Variants in KCNIP4 observed in about 807,000 individuals in gnomAD.
The protein encoded by KCNIP4 is potassium voltage-gated channel interacting protein 4, also known as Kv channel-interacting protein 4.
In KCNIP4, 12 loss-of-function variants were observed where a neutral mutation model predicts 34.0. That is an observed-to-expected ratio of 0.35 (90% CI 0.23 to 0.57). KCNIP4 has a LOEUF of 0.57. KCNIP4 is among the 20% of genes least tolerant of loss of function. The probability of loss-of-function intolerance (pLI) is 0.83; values close to 1 mark genes in which losing one functional copy is unlikely to be tolerated. For missense variants in KCNIP4, 238 were observed against 311.7 expected (o/e 0.76, Z 1.78); for synonymous variants, 124 against 102.2 (o/e 1.21, Z -1.29).
At chr4:21,009,021 AT>A (rs758068314) in intron 1 of KCNIP4, among the ~76,000 whole-genome samples, 109 of 151,936 alleles carry the variant, frequency 7.2e-4, no homozygotes, top group Non-Finnish European at 1.1e-3. Flanking sequence ...TAGAAAAAAA[AT>A]ATCTTTCACA....
chr4:21,307,887 G>A (rs898985920), intron 1 of KCNIP4, among the ~76,000 whole-genome samples: 3 of 152,152 alleles, frequency 2.0e-5, no homozygotes, highest in Non-Finnish European at 2.9e-5. Context: ...TCCTGCCCAC[G>A]TGAACAATGA....
In KCNIP4 at chr4:21,368,237, T is replaced by TACAC. The variant is rs71189694; in HGVS notation, c.62-485532_62-485529dup. The stretch of plus-strand genomic sequence containing the variant: ...GAATGACTAGAATTTAAGAAGCTGT[T>TACAC]ACACACACACACACACACACAATAA... On this transcript the variant is annotated intron_variant, in intron 1 of 8. Transcript: ENST00000382152. Among the ~76,000 whole-genome samples the TACAC allele has an allele frequency of 7.0e-4, 101 of 143,722 alleles. 5 individuals carry two copies. Among genetic ancestry groups the TACAC allele is most frequent in the East Asian group, 3.9e-3 (19 of 4,870 alleles). 94.3% of individuals were successfully genotyped at this position (143,722 alleles called of 152,430 possible). A position where few individuals can be genotyped will look rare whatever the true frequency, so the allele number is the denominator to read the frequency against.
intron 8 of KCNIP4, 28 bp from the exon 9 acceptor site, chr4:20,730,157 A>C: frequency 3.8e-6 from 6 of 1,589,852 alleles, no homozygotes; most frequent in Non-Finnish European, 5.1e-6. Flanking sequence ...AGAGCGATTA[A>C]ATTCAGCATA....
At chr4:21,310,198 A>G (rs1712996924) in intron 1 of KCNIP4, among the ~76,000 whole-genome samples, 1 of 151,630 alleles carries the variant, frequency 6.6e-6, no homozygotes, top group Admixed American at 6.6e-5. Context: ...ACAACCAGCT[A>G]ATTTTTGTAT....
intron 1 of KCNIP4, among the ~76,000 whole-genome samples, chr4:21,320,208 C>CT (rs1714222331): frequency 6.6e-6 from 1 of 152,206 alleles, no homozygotes; most frequent in Non-Finnish European, 1.5e-5. Context: ...AGCAAGTTAT[C>CT]TTCAAGGAAG....
chr4:21,464,991 C>T (rs12640994), intron 1 of KCNIP4, among the ~76,000 whole-genome samples: 11,268 of 152,044 alleles, frequency 0.074, 524 homozygotes, highest in East Asian at 0.15. Flanking sequence ...ACCAAATATT[C>T]TTGTGTAAGA....
At chr4:20,785,787 A>G (rs570117588) in intron 3 of KCNIP4, among the ~76,000 whole-genome samples, 2 of 152,234 alleles carry the variant, frequency 1.3e-5, no homozygotes, top group Middle Eastern at 6.8e-3. Context: ...AAAGACTGAC[A>G]TTGTAAGTCC....
At chr4:21,582,497 G>A (rs1408099854) in intron 1 of KCNIP4, 1 of 151,834 alleles carries the variant, frequency 6.6e-6, no homozygotes, top group Non-Finnish European at 1.5e-5. Flanking sequence ...GACTTTAAAT[G>A]CTAATAATAC....
intron 1 of KCNIP4, among the ~76,000 whole-genome samples, chr4:21,212,781 T>G (rs1757311668): frequency 6.6e-6 from 1 of 152,164 alleles, no homozygotes. Context: ...CATGACCTGA[T>G]CATCTCCCAA....
intron 1 of KCNIP4, among the ~76,000 whole-genome samples, chr4:21,169,068 T>C (rs1753823850): frequency 6.6e-6 from 1 of 152,308 alleles, no homozygotes; most frequent in South Asian, 2.1e-4. Context: ...AAATTCTCCC[T>C]GTGAAGAGTT....
intron 1 of KCNIP4, among the ~76,000 whole-genome samples, chr4:21,819,922 T>G (rs1230045966): frequency 6.6e-6 from 1 of 152,112 alleles, no homozygotes; most frequent in Non-Finnish European, 1.5e-5. Flanking sequence ...TAATCTTAAA[T>G]ATTCATTAAA....
intron 1 of KCNIP4, among the ~76,000 whole-genome samples, chr4:21,205,128 A>G (rs1386693175): frequency 3.9e-5 from 6 of 152,202 alleles, no homozygotes; most frequent in Non-Finnish European, 8.8e-5. Context: ...TGGAGTAAAT[A>G]CTGGGTCGAA....
chr4:20,789,121 A>G lies in KCNIP4; in HGVS notation c.289-30231T>C, dbSNP rs948874893. Among the ~76,000 whole-genome samples, 125 of 152,150 alleles carry G rather than the reference A, an allele frequency of 8.2e-4. 11 individuals are homozygous for G. Among genetic ancestry groups the G allele is most frequent in the African/African-American group, 9.6e-5 (4 of 41,464 alleles). ...GTCTGTCTATAGCAGTTGCAATGCT[A>G]TTGCCCAGAGTGGAAAAAAAGAAAA... On this transcript the variant is annotated intron_variant, in intron 3 of 8. Transcript: ENST00000382152.
chr4:20,792,032 C>A (rs951264452), intron 3 of KCNIP4, among the ~76,000 whole-genome samples: 11 of 152,132 alleles, frequency 7.2e-5, no homozygotes, highest in African/African-American at 2.4e-4. Context: ...CATCTATACA[C>A]GTTATTGATT....
chr4:21,510,722 G>A (rs1177540198), intron 1 of KCNIP4, among the ~76,000 whole-genome samples: 1 of 151,876 alleles, frequency 6.6e-6, no homozygotes, highest in Non-Finnish European at 1.5e-5. Context: ...TAAACTAATA[G>A]ATTTAAATTG....
intron 1 of KCNIP4, among the ~76,000 whole-genome samples, chr4:21,018,947 C>T (rs1215601926): frequency 6.6e-6 from 1 of 152,056 alleles, no homozygotes; most frequent in African/African-American, 2.4e-5. Flanking sequence ...ACTAGGGTTG[C>T]CATAACAAAA....
intron 1 of KCNIP4, among the ~76,000 whole-genome samples, chr4:20,979,926 G>C (rs571292538): frequency 6.6e-6 from 1 of 152,068 alleles, no homozygotes; most frequent in Non-Finnish European, 1.5e-5. Flanking sequence ...TCCAATTCAC[G>C]GTCCTAATCC....
chr4:20,850,227 C>A lies in KCNIP4; in HGVS notation c.288+316G>T, dbSNP rs1720859181. Reference sequence around the variant, plus strand: ...TCAAGCACCAGCCTGTATTTAAAAACTAAGGAAACAATGGAAGTTTAATGA... The same window carrying A: ...TCAAGCACCAGCCTGTATTTAAAAAATAAGGAAACAATGGAAGTTTAATGA... On this transcript the variant is annotated intron_variant, in intron 3 of 8. Coordinates refer to ENST00000382152, the MANE Select transcript of KCNIP4 (RefSeq NM_025221.6). 7 of 180,868 alleles carry A rather than the reference C, an allele frequency of 3.9e-5. No homozygotes were observed. In the South Asian group the frequency reaches 8.9e-4, roughly 23 times the overall value. The allele number at this position is 180,868 out of a possible 1,614,324, so 11.2% of individuals were successfully genotyped here.
chr4:20,992,888 C>A lies in KCNIP4; in HGVS notation c.62-110179G>T, dbSNP rs181390895. 5.3e-5 allele frequency among the ~76,000 whole-genome samples: 8 copies of A among 151,800 alleles called. 1 individual carries two copies. The highest frequency in any genetic ancestry group is 3.9e-4 in the Admixed American group (6 of 15,240). ...ACTAAAAATACAAAAATCAGCCGGGCGCGGCGGTGGGCACCTGTAATCCCA... is the reference window on the plus strand; with the variant it reads ...ACTAAAAATACAAAAATCAGCCGGGAGCGGCGGTGGGCACCTGTAATCCCA... On this transcript the variant is annotated intron_variant, in intron 1 of 8. Coordinates refer to ENST00000382152, the MANE Select transcript of KCNIP4 (RefSeq NM_025221.6).
Sources: allele counts gnomAD v4.1 joint callset (sites outside exome capture counted in the v4.1 genomes callset), GRCh38; gene constraint gnomAD v4.1.1; transcripts MANE v1.5; gene names NCBI Gene and HGNC (gene_info 2026-07-23, HGNC 2026-07-21).